VWA8: variants seen among roughly 807,000 people sequenced by gnomAD.
VWA8 encodes von Willebrand factor A domain containing 8.
In VWA8, 221 loss-of-function variants were observed where a neutral mutation model predicts 241.5. The ratio of observed to expected loss-of-function variants is 0.91; its 90% CI spans 0.82 to 1.02. The LOEUF (loss-of-function observed/expected upper bound fraction) is 1.02. Ranked by LOEUF, VWA8 falls within the 50% of genes least tolerant of loss-of-function variation. The probability of loss-of-function intolerance (pLI) is 0.00; values close to 1 mark genes in which losing one functional copy is unlikely to be tolerated. For missense variants in VWA8, 2,322 were observed against 2,328.7 expected (o/e 1.00, Z 0.06); for synonymous variants, 852 against 827.1 (o/e 1.03, Z -0.52).
intron 20 of VWA8, among the ~76,000 whole-genome samples, chr13:41,772,607 T>C: frequency 6.6e-6 from 1 of 152,224 alleles, no homozygotes; most frequent in Non-Finnish European, 1.5e-5. Flanking sequence ...AACATGTGTA[T>C]TTTCATGGTA....
chr13:41,911,803 G>C (rs1331075019), intron 3 of VWA8, among the ~76,000 whole-genome samples: 1 of 152,168 alleles, frequency 6.6e-6, no homozygotes, highest in Admixed American at 6.5e-5. Flanking sequence ...TACTGGAAGT[G>C]GGGGACTTTC....
At chr13:41,659,565 A>G (rs2044934547) in intron 37 of VWA8, among the ~76,000 whole-genome samples, 1 of 152,160 alleles carries the variant, frequency 6.6e-6, no homozygotes, top group South Asian at 2.1e-4. Context: ...AGTGTTCACA[A>G]CTGGAGTAAC....
intron 13 of VWA8, among the ~76,000 whole-genome samples, chr13:41,831,681 G>A (rs933244960): frequency 2.7e-5 from 4 of 147,636 alleles, no homozygotes; most frequent in East Asian, 4.1e-4. Flanking sequence ...GTGCAGTGGC[G>A]CGATCTAGGC....
At chr13:41,758,210 T>C (rs922140027) in intron 21 of VWA8, among the ~76,000 whole-genome samples, 1 of 150,808 alleles carries the variant, frequency 6.6e-6, no homozygotes, top group Non-Finnish European at 1.5e-5. Context: ...TTAGAAGTAT[T>C]TGAAGAAATA....
chr13:41,614,349 G>C (rs890117383), intron 38 of VWA8, among the ~76,000 whole-genome samples: 3 of 152,152 alleles, frequency 2.0e-5, no homozygotes, highest in Admixed American at 6.5e-5. Context: ...CTGTGGACTC[G>C]CAGATGTGTC....
intron 12 of VWA8, among the ~76,000 whole-genome samples, chr13:41,851,192 G>A (rs918351583): frequency 1.3e-4 from 19 of 151,922 alleles, no homozygotes; most frequent in Admixed American, 1.1e-3. Context: ...CCCAGTTCCT[G>A]ACAACCAGCA....
intron 37 of VWA8, among the ~76,000 whole-genome samples, chr13:41,626,244 AAAG>A (rs2044690178): frequency 6.6e-6 from 1 of 152,002 alleles, no homozygotes; most frequent in African/African-American, 2.4e-5. Flanking sequence ...ATAAAATTAA[AAAG>A]AAAACACTCA....
chr13:41,574,588 G>C lies in VWA8; in HGVS notation c.5370+1152C>G, dbSNP rs528014053. Among the ~76,000 whole-genome samples the C allele has an allele frequency of 4.6e-5, 7 of 152,108 alleles. No individual in the cohort carries two copies. The South Asian group carries it at 1.5e-3, about 32-fold the overall frequency. On this transcript the variant is annotated intron_variant, in intron 43 of 44. Coordinates refer to ENST00000379310, the MANE Select transcript of VWA8 (RefSeq NM_015058.2). ...AAAAAACAATCCTAAAATTCACGTG[G>C]AACCAAAAAAGAGCCCAGATAGCCA...
intron 42 of VWA8, among the ~76,000 whole-genome samples, chr13:41,581,459 C>G (rs2044383148): frequency 6.6e-6 from 1 of 152,136 alleles, no homozygotes; most frequent in Non-Finnish European, 1.5e-5. Context: ...CAGTGGAACC[C>G]TTCCTTCAAA....
In VWA8 at chr13:41,571,315, C is replaced by CG. The variant is rs1406023580; in HGVS notation, c.5371-610_5371-609insC. On this transcript the variant is annotated intron_variant, in intron 43 of 44. Coordinates refer to ENST00000379310, the MANE Select transcript of VWA8 (RefSeq NM_015058.2). ...TCTCCCGTCTCCCTCTCCCTCCTCC[C>CG]TCTCCCTCTCCCGTCTCCCTCTCCC... Among the ~76,000 whole-genome samples, 331 of 105,864 alleles carry CG rather than the reference C, an allele frequency of 3.1e-3. 3 individuals are homozygous for CG. Among genetic ancestry groups the CG allele is most frequent in the African/African-American group, 0.01 (287 of 28,102 alleles). 69.5% of individuals were successfully genotyped at this position (105,864 alleles called of 152,430 possible). A position where few individuals can be genotyped will look rare whatever the true frequency, so the allele number is the denominator to read the frequency against.
chr13:41,678,772 A>C (rs2045077999), intron 35 of VWA8, among the ~76,000 whole-genome samples: 1 of 152,110 alleles, frequency 6.6e-6, no homozygotes, highest in African/African-American at 2.4e-5. Context: ...CTACTATTTC[A>C]AGAAGTAGAA....
chr13:41,684,106 T>C (rs1476679059), intron 35 of VWA8, among the ~76,000 whole-genome samples: 1 of 152,192 alleles, frequency 6.6e-6, no homozygotes, highest in African/African-American at 2.4e-5. Context: ...CTTATTATAC[T>C]GTACTAGAAT....
At chr13:41,848,824 C>T (rs1593814928) in intron 12 of VWA8, among the ~76,000 whole-genome samples, 1 of 152,180 alleles carries the variant, frequency 6.6e-6, no homozygotes, top group African/African-American at 2.4e-5. Context: ...GCAGGGGCTC[C>T]CTGTCTGCAG....
At chr13:41,816,605 C>T in intron 16 of VWA8, 93 bp downstream of exon 16, 1 of 1,263,646 alleles carries the variant, frequency 7.9e-7, no homozygotes, top group Non-Finnish European at 1.1e-6. Flanking sequence ...AAAATACCAG[C>T]TTAAAAAATA....
At chr13:41,819,498 A>G (rs920564103) in intron 14 of VWA8, 112 bp from the exon 15 acceptor site, 20 of 1,119,006 alleles carry the variant, frequency 1.8e-5, no homozygotes, top group African/African-American at 1.8e-4. Flanking sequence ...AATAATGTCA[A>G]TGTTATCATC....
intron 9 of VWA8, among the ~76,000 whole-genome samples, chr13:41,879,392 C>T (rs1593839343): frequency 2.0e-5 from 3 of 150,542 alleles, no homozygotes; most frequent in African/African-American, 7.4e-5. Flanking sequence ...TACACACACA[C>T]ACACACACAC....
intron 40 of VWA8, among the ~76,000 whole-genome samples, chr13:41,602,103 G>A (rs548660529): frequency 2.0e-5 from 3 of 152,168 alleles, no homozygotes; most frequent in South Asian, 2.1e-4. Flanking sequence ...ACACAAGGCC[G>A]TGTCCATGCT....
intron 19 of VWA8, among the ~76,000 whole-genome samples, chr13:41,779,997 A>G (rs1468409802): frequency 2.0e-5 from 3 of 151,998 alleles, no homozygotes; most frequent in African/African-American, 7.2e-5. Context: ...CCAGTTACCC[A>G]TTTCCCCTGA....
At chr13:41,693,075 A>G in intron 29 of VWA8, 103 bp from the exon 30 acceptor site, 1 of 679,682 alleles carries the variant, frequency 1.5e-6, no homozygotes. Flanking sequence ...TTATAGTGAT[A>G]AATCAAAACA....
Sources: gnomAD v4.1 joint callset for allele counts (sites outside exome capture counted in the v4.1 genomes callset) on GRCh38, gnomAD v4.1.1 for gene constraint, MANE v1.5 for transcripts, NCBI Gene and HGNC (gene_info 2026-07-23, HGNC 2026-07-21) for gene names.